The following CASK variants were observed in gnomAD, a reference collection of about 807,000 sequenced individuals.
The protein encoded by CASK is calcium/calmodulin dependent serine protein kinase.
Under a neutral mutation model 82.9 loss-of-function variants are expected in CASK, and 4 were observed. The ratio of observed to expected loss-of-function variants is 0.05; its 90% CI spans 0.02 to 0.11. The LOEUF (loss-of-function observed/expected upper bound fraction) is 0.11. Among genes scored for constraint, CASK ranks in the 10% least tolerant of loss-of-function variants. The pLI, the probability that CASK is intolerant of heterozygous loss-of-function variation, is 1.00. For missense variants in CASK, 358 were observed against 720.9 expected, an observed-to-expected ratio of 0.50 and a Z score of 5.76; for synonymous variants, 259 against 253.5, an observed-to-expected ratio of 1.02 and a Z score of -0.20.
chrX:41,569,422 A>C (rs994329292), intron 16 of CASK, among the ~76,000 whole-genome samples: 5 of 111,460 alleles, frequency 4.5e-5, no homozygotes, highest in African/African-American at 6.5e-5. Flanking sequence ...ATAATGATTA[A>C]AATCAAAGAT....
At chrX:41,581,721 T>C (rs1275417366) in intron 14 of CASK, among the ~76,000 whole-genome samples, 4 of 108,770 alleles carry the variant, frequency 3.7e-5, no homozygotes, top group African/African-American at 1.3e-4. Context: ...CCCCAGCATT[T>C]AAAAGCTTAT....
intron 1 of CASK, among the ~76,000 whole-genome samples, chrX:41,884,497 G>A (rs1162936815): frequency 8.9e-6 from 1 of 112,115 alleles, no homozygotes; most frequent in Non-Finnish European, 1.9e-5. Context: ...GATAGCTAAA[G>A]AGGTGTACTG....
intron 25 of CASK, among the ~76,000 whole-genome samples, chrX:41,525,098 G>A (rs963872505): frequency 5.4e-5 from 6 of 111,207 alleles, no homozygotes; most frequent in African/African-American, 2.0e-4. Context: ...CTCTGGTTTT[G>A]CTGCTTTCCA....
intron 1 of CASK, among the ~76,000 whole-genome samples, chrX:41,867,573 T>C (rs1416061807): frequency 2.7e-5 from 3 of 112,575 alleles, no homozygotes; most frequent in East Asian, 5.5e-4. Flanking sequence ...ACTAGAGACA[T>C]TGATTGCTAA....
chrX:41,523,893 C>T (rs1324386498), intron 26 of CASK, 58 bp downstream of exon 26: 2 of 864,247 alleles, frequency 2.3e-6, no homozygotes, highest in East Asian at 6.4e-5. Context: ...TCTGACTGTG[C>T]TGGGGAGTAA....
rs1199149276 is a variant in CASK at position 41,518,986 on chromosome X, GGTGGCCTCCAGTACACCC to G, written c.*1416_*1433del. ...ACAGCAAGAGGAAGGAGAGACCACA[GGTGGCCTCCAGTACACCC>G]GTGGCCCTTGGGCGCATGGCTCTGT... On this transcript the variant is annotated 3_prime_UTR_variant, in exon 27 of 27. Transcript: ENST00000378163. The G allele has an allele frequency of 9.0e-6, 1 of 111,570 alleles. No individual in the cohort carries two copies. Among genetic ancestry groups the G allele is most frequent in the African/African-American group, 3.3e-5 (1 of 30,648 alleles). 9.2% of individuals were successfully genotyped at this position (111,570 alleles called of 1,213,427 possible).
At chrX:41,687,481 A>G (rs996636023) in intron 5 of CASK, among the ~76,000 whole-genome samples, 3 of 112,269 alleles carry the variant, frequency 2.7e-5, no homozygotes, top group Admixed American at 9.4e-5. Context: ...GATTCCACTC[A>G]TATGAAGTGT....
chrX:41,922,839 G>T, intron 1 of CASK, 91 bp downstream of exon 1: 1 of 773,764 alleles, frequency 1.3e-6, no homozygotes, highest in Non-Finnish European at 2.0e-6. Flanking sequence ...AGGAGGGAGG[G>T]CAGGGGGCAG....
At chrX:41,612,422 G>A (rs1370557462) in intron 11 of CASK, among the ~76,000 whole-genome samples, 1 of 103,940 alleles carries the variant, frequency 9.6e-6, no homozygotes, top group Non-Finnish European at 2.0e-5. Flanking sequence ...CCCTCCGCCC[G>A]GCAGCCGCCC....
intron 5 of CASK, among the ~76,000 whole-genome samples, chrX:41,673,829 G>GTTTTTT (rs887137250): frequency 2.0e-5 from 1 of 51,040 alleles, no homozygotes; most frequent in Non-Finnish European, 3.6e-5. Context: ...AACTCTGGGT[G>GTTTTTT]TTTTTTTTTT....
intron 11 of CASK, among the ~76,000 whole-genome samples, chrX:41,619,899 T>C (rs754084591): frequency 3.6e-5 from 4 of 112,377 alleles, no homozygotes; most frequent in African/African-American, 6.5e-5. Context: ...TACCCATCTA[T>C]CCATCAGTTC....
chrX:41,595,964 T>G (rs770727271), intron 12 of CASK, among the ~76,000 whole-genome samples: 1 of 111,336 alleles, frequency 9.0e-6, no homozygotes, highest in East Asian at 2.8e-4. Context: ...TTAAAGAATG[T>G]CAGGATTCTC....
rs185843093 is a variant in CASK, at chrX:41,779,494, C to T, written c.278+7684G>A. Among the ~76,000 whole-genome samples the T allele has an allele frequency of 1.2e-3, 138 of 111,678 alleles. 2 individuals are homozygous for T. Among genetic ancestry groups the T allele is most frequent in the African/African-American group, 4.4e-3 (135 of 30,744 alleles). On this transcript the variant is annotated intron_variant, in intron 3 of 26. Coordinates refer to ENST00000378163, the MANE Select transcript of CASK (RefSeq NM_001367721.1). Reference sequence around the variant, plus strand: ...GAGTTTTCTTAGTGAATCATCAAGCCTGGGGGTGGTCTTGGGGATCCCTGA... The same window carrying T: ...GAGTTTTCTTAGTGAATCATCAAGCTTGGGGGTGGTCTTGGGGATCCCTGA...
chrX:41,659,724 C>T (rs1001898334), intron 8 of CASK, among the ~76,000 whole-genome samples: 33 of 111,364 alleles, frequency 3.0e-4, no homozygotes, highest in African/African-American at 9.8e-5. Context: ...TTTGGCTGGG[C>T]GCAGTGGCTC....
At chrX:41,876,487 T>C (rs1209450376) in intron 1 of CASK, among the ~76,000 whole-genome samples, 1 of 111,679 alleles carries the variant, frequency 9.0e-6, no homozygotes, top group African/African-American at 3.3e-5. Flanking sequence ...AATCTTTATC[T>C]CTTTCATTAG....
intron 15 of CASK, chrX:41,571,138 T>C (rs978787535): frequency 3.6e-5 from 4 of 112,063 alleles, no homozygotes; most frequent in East Asian, 2.8e-4. Flanking sequence ...TTCTTTGTAA[T>C]GTCTTAACTG....
In CASK at chrX:41,668,253, A is replaced by G. The variant is rs144416477; in HGVS notation, c.533-2801T>C. Among the ~76,000 whole-genome samples, 106 of 111,686 alleles carry G rather than the reference A, an allele frequency of 9.5e-4. 2 individuals carry two copies. In the East Asian group the frequency reaches 0.026, roughly 27 times the overall value. ...TAGAGAGAAGGAATAGGGCTATCCA[A>G]CTCGGGATGGTGAAGGTAAGCCTGC... On this transcript the variant is annotated intron_variant, in intron 6 of 26. Coordinates refer to ENST00000378163, the MANE Select transcript of CASK (RefSeq NM_001367721.1).
At chrX:41,845,493 A>G (rs1191220776) in intron 2 of CASK, among the ~76,000 whole-genome samples, 2 of 111,657 alleles carry the variant, frequency 1.8e-5, no homozygotes, top group Non-Finnish European at 3.8e-5. Flanking sequence ...ATTAAAGTCT[A>G]TTTCATCTGA....
intron 3 of CASK, among the ~76,000 whole-genome samples, chrX:41,766,448 G>A (rs1043201479): frequency 2.7e-5 from 3 of 111,998 alleles, no homozygotes; most frequent in African/African-American, 9.7e-5. Flanking sequence ...TTCAAAAGTA[G>A]AAAATACAGA....
Sources: gnomAD v4.1 joint callset for allele counts (sites outside exome capture counted in the v4.1 genomes callset) on GRCh38, gnomAD v4.1.1 for gene constraint, MANE v1.5 for transcripts, NCBI Gene and HGNC (gene_info 2026-07-23, HGNC 2026-07-21) for gene names.